Variants in CUX2 observed in about 807,000 individuals in gnomAD.
CUX2 encodes homeobox protein cut-like 2.
In CUX2, 40 loss-of-function variants were observed where a neutral mutation model predicts 144.8. The observed-to-expected ratio is 0.28, with a 90% CI of 0.21 to 0.36. The LOEUF is 0.36. Among genes scored for constraint, CUX2 ranks in the 10% least tolerant of loss-of-function variants. The probability of loss-of-function intolerance (pLI) is 1.00; values close to 1 mark genes in which losing one functional copy is unlikely to be tolerated. For missense variants in CUX2, 1,615 were observed against 1,994.0 expected (o/e 0.81, Z 3.62); for synonymous variants, 827 against 875.6 (o/e 0.94, Z 0.98).
intron 1 of CUX2, among the ~76,000 whole-genome samples, chr12:111,067,137 A>G (rs1043253352): frequency 6.6e-6 from 1 of 152,162 alleles, no homozygotes; most frequent in African/African-American, 2.4e-5. Context: ...TCCTGTAGTG[A>G]CCTTTCTTCA....
At chr12:111,217,405 A>T (rs1315417809) in intron 2 of CUX2, among the ~76,000 whole-genome samples, 1 of 152,112 alleles carries the variant, frequency 6.6e-6, no homozygotes, top group South Asian at 2.1e-4. Flanking sequence ...GGTCACGGAG[A>T]CCTTGCAACC....
At chr12:111,148,478 T>A (rs1876837632) in intron 1 of CUX2, among the ~76,000 whole-genome samples, 1 of 152,228 alleles carries the variant, frequency 6.6e-6, no homozygotes, top group African/African-American at 2.4e-5. Context: ...TGTGAATGTA[T>A]TTAATGCCAC....
intron 1 of CUX2, among the ~76,000 whole-genome samples, chr12:111,049,137 C>T (rs1280450581): frequency 6.6e-6 from 1 of 152,152 alleles, no homozygotes; most frequent in Admixed American, 6.6e-5. Flanking sequence ...ATCCATCTAT[C>T]CATCCATGAA....
intron 1 of CUX2, among the ~76,000 whole-genome samples, chr12:111,089,248 C>T (rs531952251): frequency 1.1e-4 from 17 of 152,304 alleles, no homozygotes; most frequent in Non-Finnish European, 2.1e-4. Context: ...AGTCCAGCAG[C>T]GCTGGGATTG....
intron 15 of CUX2, among the ~76,000 whole-genome samples, chr12:111,311,615 T>TTTG (rs1486736062): frequency 6.6e-6 from 1 of 150,524 alleles, no homozygotes; most frequent in East Asian, 2.0e-4. Flanking sequence ...TTTTTTTTTT[T>TTTG]TGAGACGGAG....
chr12:111,308,712 C>T (rs565218973), intron 14 of CUX2, among the ~76,000 whole-genome samples, 186 bp downstream of exon 14: 26 of 152,300 alleles, frequency 1.7e-4, no homozygotes, highest in Non-Finnish European at 2.9e-4. Flanking sequence ...CCCACGTCAT[C>T]GTTGGGGTCA....
intron 3 of CUX2, among the ~76,000 whole-genome samples, chr12:111,228,655 C>T (rs1487139291): frequency 1.3e-5 from 2 of 151,998 alleles, no homozygotes; most frequent in African/African-American, 2.4e-5. Flanking sequence ...AACTCCTGAC[C>T]TCAGGTGATC....
intron 1 of CUX2, among the ~76,000 whole-genome samples, chr12:111,181,198 G>T (rs971177311): frequency 6.6e-6 from 1 of 152,004 alleles, no homozygotes; most frequent in Non-Finnish European, 1.5e-5. Flanking sequence ...GAGGAACACA[G>T]GAGTTTCATT....
chr12:111,265,309 TTTTTATTTTATTTTA>T (rs199678456), intron 4 of CUX2, among the ~76,000 whole-genome samples: 13,095 of 143,650 alleles, frequency 0.091, 684 homozygotes, highest in Middle Eastern at 0.15. Flanking sequence ...TTTTATTTTA[TTTTTATTTTATTTTA>T]TTTTATTTTA....
intron 18 of CUX2, among the ~76,000 whole-genome samples, chr12:111,325,166 C>T (rs953919614): frequency 5.9e-5 from 9 of 151,394 alleles, no homozygotes; most frequent in East Asian, 1.9e-4. Flanking sequence ...TGGTGGCAGG[C>T]GCCTGTAGTC....
intron 1 of CUX2, among the ~76,000 whole-genome samples, chr12:111,060,557 C>T (rs1870722207): frequency 6.6e-6 from 1 of 152,224 alleles, no homozygotes; most frequent in Non-Finnish European, 1.5e-5. Flanking sequence ...GTCACAAGCA[C>T]AGAGTTTGGC....
At chr12:111,089,697 A>G (rs968502366) in intron 1 of CUX2, among the ~76,000 whole-genome samples, 10 of 152,256 alleles carry the variant, frequency 6.6e-5, no homozygotes, top group Admixed American at 4.6e-4. Context: ...GGGAGGAAGT[A>G]GAGGGAAAGG....
intron 4 of CUX2, among the ~76,000 whole-genome samples, chr12:111,275,247 C>A (rs564054269): frequency 6.6e-6 from 1 of 152,314 alleles, no homozygotes; most frequent in East Asian, 1.9e-4. Flanking sequence ...TCAGGACCTG[C>A]CATCTCTGAT....
intron 9 of CUX2, among the ~76,000 whole-genome samples, chr12:111,300,425 C>T (rs576856774): frequency 6.6e-6 from 1 of 152,268 alleles, no homozygotes; most frequent in Admixed American, 6.5e-5. Flanking sequence ...CCAGCCACCC[C>T]TTTTAAAAAC....
intron 1 of CUX2, among the ~76,000 whole-genome samples, chr12:111,195,868 A>T (rs1461188575): frequency 1.3e-5 from 2 of 152,172 alleles, no homozygotes; most frequent in African/African-American, 4.8e-5. Flanking sequence ...ATTGAGATAT[A>T]ATTGATATGC....
chr12:111,124,940 T>C (rs1463436601), intron 1 of CUX2, among the ~76,000 whole-genome samples: 1 of 152,170 alleles, frequency 6.6e-6, no homozygotes, highest in African/African-American at 2.4e-5. Flanking sequence ...AGGGTTCTGA[T>C]TTCTAATGAT....
intron 1 of CUX2, among the ~76,000 whole-genome samples, chr12:111,153,222 C>T (rs1438814319): frequency 6.6e-6 from 1 of 152,186 alleles, no homozygotes; most frequent in African/African-American, 2.4e-5. Context: ...TTCTTCCTGG[C>T]ATTCATTCAT....
chr12:111,307,270 G>A lies in CUX2; in HGVS notation c.1109+13G>A. 1.9e-6 allele frequency: 3 copies of A among 1,613,424 alleles called. No individual in the cohort carries two copies. Among genetic ancestry groups the A allele is most frequent in the South Asian group, 1.1e-5 (1 of 91,056 alleles). ...AAACGGAGCTGAGGTACCATGTGGG[G>A]TGGGGCTCCACAGACCCTCAGTGCT... On this transcript the variant is annotated intron_variant, in intron 12 of 21. Transcript: ENST00000261726. This position sits in a 1 kb window ranked among gnomAD's most constrained non-coding sequence, Gnocchi z 4.1.
intron 4 of CUX2, among the ~76,000 whole-genome samples, chr12:111,264,774 A>G (rs1811082383): frequency 6.6e-6 from 1 of 152,202 alleles, no homozygotes; most frequent in African/African-American, 2.4e-5. Context: ...GAGCTGTGAT[A>G]TGTGCTTCAG....
Sources: gnomAD v4.1 joint callset for allele counts (sites outside exome capture counted in the v4.1 genomes callset) on GRCh38, gnomAD v4.1.1 for gene constraint, Gnocchi (gnomAD v3.1) non-coding constraint, MANE v1.5 for transcripts, NCBI Gene and HGNC (gene_info 2026-07-23, HGNC 2026-07-21) for gene names.